CRYBG1: variants seen among roughly 807,000 people sequenced by gnomAD.
The protein encoded by CRYBG1 is beta/gamma crystallin domain-containing protein 1.
Under a neutral mutation model 189.2 loss-of-function variants are expected in CRYBG1, and 139 were observed. The observed-to-expected ratio is 0.73, with a 90% CI of 0.64 to 0.85. The LOEUF is 0.85. Ranked by LOEUF, CRYBG1 falls within the 40% of genes least tolerant of loss-of-function variation. The pLI is 0.00. For missense variants in CRYBG1, 2,611 were observed against 2,675.8 expected (o/e 0.98, Z 0.53); for synonymous variants, 1,023 against 1,017.1 (o/e 1.01, Z -0.11).
At chr6:106,403,744 A>G (rs549766868) in intron 1 of CRYBG1, among the ~76,000 whole-genome samples, 5 of 152,342 alleles carry the variant, frequency 3.3e-5, no homozygotes, top group Non-Finnish European at 5.9e-5. Flanking sequence ...AGTATGACTC[A>G]TGAGTCATAA....
At chr6:106,505,781 C>T (rs1303178070) in intron 2 of CRYBG1, among the ~76,000 whole-genome samples, 1 of 151,314 alleles carries the variant, frequency 6.6e-6, no homozygotes, top group South Asian at 2.1e-4. Context: ...AGCACAAACA[C>T]ACATATGCAT....
intron 1 of CRYBG1, among the ~76,000 whole-genome samples, chr6:106,411,026 G>A (rs1262247403): frequency 6.6e-6 from 1 of 151,968 alleles, no homozygotes; most frequent in African/African-American, 2.4e-5. Flanking sequence ...TAAAAAAAGA[G>A]TTTAAAATGT....
intron 4 of CRYBG1, among the ~76,000 whole-genome samples, chr6:106,522,077 A>T (rs906781176): frequency 2.0e-5 from 3 of 152,208 alleles, no homozygotes; most frequent in African/African-American, 7.2e-5. Flanking sequence ...ATGTTGTATT[A>T]TGAAAGGTAT....
chr6:106,442,240 T>C (rs975666925), intron 1 of CRYBG1, among the ~76,000 whole-genome samples: 1 of 152,228 alleles, frequency 6.6e-6, no homozygotes, highest in African/African-American at 2.4e-5. Flanking sequence ...CATGAAGTAA[T>C]GATGATTGCG....
intron 2 of CRYBG1, among the ~76,000 whole-genome samples, chr6:106,471,736 C>T (rs1772235989): frequency 6.6e-6 from 1 of 150,868 alleles, no homozygotes; most frequent in Non-Finnish European, 1.5e-5. Flanking sequence ...GGCCTCCCCA[C>T]CCCTACCCCC....
chr6:106,521,711 C>CTTTTTTTTTTTTTTTTTTTTTTTTTTTTT (rs397976859), intron 4 of CRYBG1, among the ~76,000 whole-genome samples: 1 of 72,170 alleles, frequency 1.4e-5, no homozygotes, highest in Non-Finnish European at 2.4e-5. Context: ...GGCACATGAT[C>CTTTTTTTTTTTTTTTTTTTTTTTTTTTTT]TTTTTTTTTT....
intron 1 of CRYBG1, among the ~76,000 whole-genome samples, chr6:106,444,212 T>C (rs1424984310): frequency 6.6e-6 from 1 of 152,248 alleles, no homozygotes; most frequent in Non-Finnish European, 1.5e-5. Flanking sequence ...CATTAGATGA[T>C]AAGAATTTGA....
chr6:106,501,580 C>T (rs1242905711), intron 2 of CRYBG1, among the ~76,000 whole-genome samples: 1 of 152,192 alleles, frequency 6.6e-6, no homozygotes, highest in African/African-American at 2.4e-5. Context: ...TAAAGCCAGC[C>T]ATCACTGTCA....
chr6:106,446,114 G>T (rs777429338), intron 1 of CRYBG1, among the ~76,000 whole-genome samples: 10 of 152,194 alleles, frequency 6.6e-5, no homozygotes, highest in Non-Finnish European at 8.8e-5. Context: ...ACTTTTTCAG[G>T]TCTAGCATTA....
intron 3 of CRYBG1, 113 bp from the exon 4 acceptor site, chr6:106,519,018 A>AATGTT: frequency 9.0e-7 from 1 of 1,116,158 alleles, no homozygotes; most frequent in Non-Finnish European, 1.2e-6. Context: ...CCACACTCCA[A>AATGTT]ATGTTATATA....
intron 1 of CRYBG1, among the ~76,000 whole-genome samples, chr6:106,381,815 G>C (rs1407600369): frequency 1.3e-5 from 2 of 152,200 alleles, no homozygotes; most frequent in African/African-American, 4.8e-5. Flanking sequence ...CTGCTAGCCA[G>C]AAAGCCCCCA....
At chr6:106,389,225 C>T (rs1403957280) in intron 1 of CRYBG1, among the ~76,000 whole-genome samples, 2 of 151,574 alleles carry the variant, frequency 1.3e-5, no homozygotes, top group African/African-American at 2.4e-5. Context: ...AGAAAATTGC[C>T]GTATATATTT....
At chr6:106,559,701 AC>A (rs1774653299) in intron 18 of CRYBG1, among the ~76,000 whole-genome samples, 1 of 151,398 alleles carries the variant, frequency 6.6e-6, no homozygotes, top group Non-Finnish European at 1.5e-5. Flanking sequence ...CAGGAGAATC[AC>A]TTGAACCCAG....
chr6:106,441,235 GAGA>G (rs1371243230), intron 1 of CRYBG1, among the ~76,000 whole-genome samples: 1 of 152,210 alleles, frequency 6.6e-6, no homozygotes, highest in Non-Finnish European at 1.5e-5. Context: ...GGAGGGAGGG[GAGA>G]AGGAGGTTAG....
chr6:106,497,158 C>CGA (rs1772869659), intron 2 of CRYBG1, among the ~76,000 whole-genome samples: 3 of 152,076 alleles, frequency 2.0e-5, no homozygotes, highest in African/African-American at 7.3e-5. Context: ...CCTCCCCACC[C>CGA]CCCATGACAC....
intron 1 of CRYBG1, among the ~76,000 whole-genome samples, chr6:106,425,724 C>A (rs949395477): frequency 6.6e-6 from 1 of 152,122 alleles, no homozygotes; most frequent in Non-Finnish European, 1.5e-5. Context: ...CTCCGCCTCC[C>A]AGGTTCAAGC....
At chr6:106,568,331 C>T (rs1481034978) in intron 21 of CRYBG1, 141 bp from the exon 22 acceptor site, 2 of 645,796 alleles carry the variant, frequency 3.1e-6, no homozygotes, top group Non-Finnish European at 5.3e-6. Context: ...GGCTTCCCTC[C>T]CTGCCTTGCC....
intron 6 of CRYBG1, among the ~76,000 whole-genome samples, chr6:106,527,052 A>G (rs1202061349): frequency 6.6e-6 from 1 of 151,550 alleles, no homozygotes; most frequent in African/African-American, 2.4e-5. Context: ...TTAGAACATT[A>G]GTAGCTCTAT....
intron 21 of CRYBG1, 75 bp from the exon 22 acceptor site, chr6:106,568,397 T>TA: frequency 8.8e-7 from 1 of 1,142,074 alleles, no homozygotes; most frequent in Non-Finnish European, 1.3e-6. Flanking sequence ...GCTGTACTGG[T>TA]GTTAGGGGAA....
Sources: gnomAD v4.1 joint callset for allele counts (sites outside exome capture counted in the v4.1 genomes callset) on GRCh38, gnomAD v4.1.1 for gene constraint, MANE v1.5 for transcripts, NCBI Gene and HGNC (gene_info 2026-07-23, HGNC 2026-07-21) for gene names.